Variants in CCDC18 observed in about 807,000 individuals in gnomAD.
CCDC18 encodes coiled-coil domain containing 18.
A neutral mutation model predicts 196.0 loss-of-function variants in CCDC18; 157 were observed. The observed-to-expected ratio is 0.80, with a 90% CI of 0.70 to 0.91. CCDC18 has a LOEUF of 0.91. CCDC18 is among the 40% of genes least tolerant of loss of function. The pLI is 0.00. For missense variants in CCDC18, 1,465 were observed against 1,611.6 expected (o/e 0.91, Z 1.56); for synonymous variants, 482 against 529.2 (o/e 0.91, Z 1.22).
chr1:93,200,886 G>C (rs144722857), intron 6 of CCDC18, among the ~76,000 whole-genome samples: 27 of 152,332 alleles, frequency 1.8e-4, no homozygotes, highest in African/African-American at 6.0e-4. Flanking sequence ...GAAGGTTTTT[G>C]TTTGTTTAAG....
upstream of CCDC18, chr1:93,180,316 T>C (rs1649300842): frequency 3.4e-6 from 5 of 1,469,340 alleles, no homozygotes; most frequent in East Asian, 7.6e-5. Flanking sequence ...CTCTCTGGAC[T>C]CCTCGTGGTT....
At chr1:93,216,325 T>TCC (rs1290484038) in intron 12 of CCDC18, among the ~76,000 whole-genome samples, 1 of 152,238 alleles carries the variant, frequency 6.6e-6, no homozygotes. Context: ...TAAAAATAGA[T>TCC]TAGGGTATTG....
chr1:93,263,376 G>C (rs1310166019), intron 26 of CCDC18, among the ~76,000 whole-genome samples: 2 of 151,680 alleles, frequency 1.3e-5, no homozygotes, highest in South Asian at 2.1e-4. Context: ...TCCAATTTCA[G>C]ATCATCTCTT....
At chr1:93,184,655 C>G (rs1650316713) in intron 3 of CCDC18, among the ~76,000 whole-genome samples, 1 of 151,846 alleles carries the variant, frequency 6.6e-6, no homozygotes, top group African/African-American at 2.4e-5. Flanking sequence ...CTGCATTTAT[C>G]CCTCTTCCTC....
chr1:93,207,668 C>A (rs1654927037), intron 9 of CCDC18, among the ~76,000 whole-genome samples: 2 of 151,872 alleles, frequency 1.3e-5, no homozygotes, highest in Admixed American at 1.3e-4. Context: ...ATAAAATTTG[C>A]CTGTTTTAAG....
chr1:93,242,331 A>G (rs896047932), intron 21 of CCDC18, among the ~76,000 whole-genome samples: 1 of 84,498 alleles, frequency 1.2e-5, no homozygotes. Flanking sequence ...GGTGGCAGAC[A>G]AGAGAGCTTG....
chr1:93,180,329 CAG>C, upstream of CCDC18: 1 of 1,439,686 alleles, frequency 6.9e-7, no homozygotes, highest in South Asian at 1.3e-5. Flanking sequence ...TCGTGGTTGA[CAG>C]GGAAATCTGG....
chr1:93,276,535 T>C (rs1429412584), intron 28 of CCDC18, among the ~76,000 whole-genome samples: 1 of 152,066 alleles, frequency 6.6e-6, no homozygotes, highest in Non-Finnish European at 1.5e-5. Flanking sequence ...ATATGGTACA[T>C]ATATCATGCA....
intron 1 of CCDC18, 129 bp downstream of exon 1, chr1:93,180,981 G>C: frequency 1.1e-6 from 1 of 903,138 alleles, no homozygotes; most frequent in South Asian, 1.3e-5. Flanking sequence ...TGGTCCTCGT[G>C]GTTGCTGAGC....
chr1:93,250,537 C>G (rs1207970507), intron 23 of CCDC18, among the ~76,000 whole-genome samples: 4 of 152,002 alleles, frequency 2.6e-5, no homozygotes, highest in Non-Finnish European at 5.9e-5. Flanking sequence ...TCTGGACAAT[C>G]TGTTCATTAC....
In CCDC18 at chr1:93,254,513, C is replaced by G. The variant is rs12030843; in HGVS notation, c.3241C>G (p.Leu1081Val). 282,948 of 1,592,786 alleles carry G rather than the reference C, an allele frequency of 0.18. 27,872 individuals carry two copies. The highest frequency in any genetic ancestry group is 0.32 in the Admixed American group (18,816 of 58,108). Reference protein sequence around the residue: ...NDKLQNAKEQLREKEFIMLQN... With the variant: ...NDKLQNAKEQVREKEFIMLQN... ...CAAATTACAAAATGCTAAAGAACAG[C>G]TTCGAGAAAAAGAGTTTATAATGCT... The change falls in exon 24 of 29, where the codon CTT (leucine) becomes GTT (valine). Residue 1081 changes from leucine (L) to valine (V), a missense_variant. Physicochemically the swap from Leu to Val is conservative, Grantham distance 32. Transcript: ENST00000690025.
intron 9 of CCDC18, among the ~76,000 whole-genome samples, chr1:93,210,342 A>G (rs1050864287): frequency 1.3e-4 from 20 of 152,084 alleles, no homozygotes; most frequent in Non-Finnish European, 2.5e-4. Context: ...TATCAACTCT[A>G]TGTTTTTTTA....
At chr1:93,192,384 T>A (rs910821912) in intron 5 of CCDC18, among the ~76,000 whole-genome samples, 1 of 152,208 alleles carries the variant, frequency 6.6e-6, no homozygotes, top group Non-Finnish European at 1.5e-5. Flanking sequence ...TAGAAGTATA[T>A]ACTCAGTGTT....
At chr1:93,248,221 G>T (rs557691035) in intron 23 of CCDC18, among the ~76,000 whole-genome samples, 1 of 151,328 alleles carries the variant, frequency 6.6e-6, no homozygotes, top group East Asian at 2.0e-4. Flanking sequence ...CACCATCTTG[G>T]CCAGGCTGGT....
chr1:93,181,191 T>G, intron 1 of CCDC18, among the ~76,000 whole-genome samples: 1 of 98,202 alleles, frequency 1.0e-5, no homozygotes, highest in Non-Finnish European at 2.1e-5. Flanking sequence ...AAACTGTCAC[T>G]TCCGTCCCCC....
intron 6 of CCDC18, among the ~76,000 whole-genome samples, chr1:93,195,333 AAGAC>A (rs1486164723): frequency 6.6e-6 from 1 of 152,232 alleles, no homozygotes; most frequent in Non-Finnish European, 1.5e-5. Flanking sequence ...TGAGACAAGA[AAGAC>A]AGGCTGGATC....
At chr1:93,203,192 C>T (rs1254203643) in intron 7 of CCDC18, among the ~76,000 whole-genome samples, 1 of 151,974 alleles carries the variant, frequency 6.6e-6, no homozygotes. Flanking sequence ...ATCTAGTGAC[C>T]ACTTGAATGC....
rs926299060 is a variant in CCDC18 at position 93,184,120 on chromosome 1, G to A, written c.277G>A (p.Asp93Asn). The change falls in exon 3 of 29, where the codon GAT becomes AAT. Residue 93 changes from aspartate to asparagine, a missense_variant. Coordinates refer to ENST00000690025, the MANE Select transcript of CCDC18 (RefSeq NM_001378204.1). Reference sequence around the variant, plus strand: ...CTGTAAAATATCTGGTAGCAGCACTGATTTTCAAAAAAAGCCAAGAGATAA... The same window carrying A: ...CTGTAAAATATCTGGTAGCAGCACTAATTTTCAAAAAAAGCCAAGAGATAA... ...NVCKISGSSTDFQKKPRDKMF... is the reference protein window; with the variant it reads ...NVCKISGSSTNFQKKPRDKMF... 11 of 1,522,064 alleles carry A rather than the reference G, an allele frequency of 7.2e-6. No individual in the cohort carries two copies. In the African/African-American group the frequency reaches 1.5e-4, roughly 21 times the overall value. The allele number at this position is 1,522,064 out of a possible 1,614,324, so 94.3% of individuals were successfully genotyped here.
At chr1:93,258,049 A>C (rs896190012) in intron 25 of CCDC18, among the ~76,000 whole-genome samples, 3 of 151,076 alleles carry the variant, frequency 2.0e-5, no homozygotes, top group Non-Finnish European at 3.0e-5. Flanking sequence ...AGAATTAATT[A>C]AAAGACATTA....
Sources: gnomAD v4.1 joint callset for allele counts (sites outside exome capture counted in the v4.1 genomes callset) on GRCh38, gnomAD v4.1.1 for gene constraint, MANE v1.5 for transcripts, NCBI Gene and HGNC (gene_info 2026-07-23, HGNC 2026-07-21) for gene names.